Variants in PCDHGA8 observed in about 807,000 individuals in gnomAD.
PCDHGA8 encodes the protein protocadherin gamma subfamily A, 8, also known as protocadherin gamma-A8.
In PCDHGA8, 45 loss-of-function variants were observed where a neutral mutation model predicts 59.2. That is an observed-to-expected ratio of 0.76 (90% confidence interval 0.60 to 0.98). The LOEUF (loss-of-function observed/expected upper bound fraction) is 0.98. Ranked by LOEUF, PCDHGA8 falls within the 50% of genes least tolerant of loss-of-function variation. PCDHGA8 has a pLI of 0.00. For missense variants in PCDHGA8, 1,257 were observed against 1,196.2 expected, an observed-to-expected ratio of 1.05 and a Z score of -0.75; for synonymous variants, 531 against 519.0, an observed-to-expected ratio of 1.02 and a Z score of -0.32.
At position 141,431,270 on chromosome 5, in the gene PCDHGA8, G is replaced by C. The variant is rs369177310; in HGVS notation, c.2424+36033G>C. 1.2e-5 allele frequency: 19 copies of C among 1,613,996 alleles called. No homozygotes were observed. Among genetic ancestry groups the C allele is most frequent in the Non-Finnish European group, 1.5e-5 (18 of 1,180,018 alleles). ...CGGGAAGAACTCTCTGCAGAGCTAC[G>C]AGCTCAGCCCGAACACTCACTTCTC... is the stretch of plus-strand genomic sequence containing the variant. On this transcript the variant is annotated intron_variant, in intron 1 of 3. Coordinates refer to ENST00000398604, the MANE Select transcript of PCDHGA8 (RefSeq NM_032088.2). This position sits in a 1 kb window ranked among gnomAD's most constrained non-coding sequence, Gnocchi z 4.8.
chr5:141,431,405 G>A lies in PCDHGA8; in HGVS notation c.2424+36168G>A, dbSNP rs2097369508. Reference sequence around the variant, plus strand: ...TCACCACCTGGTCCTTACGGCCTCCGACGGGGGCGACCCGGTGCGCACAGG... The same window carrying A: ...TCACCACCTGGTCCTTACGGCCTCCAACGGGGGCGACCCGGTGCGCACAGG... On this transcript the variant is annotated intron_variant, in intron 1 of 3. Transcript: ENST00000398604. The surrounding 1 kb of genome is among the most constrained non-coding windows in gnomAD (Gnocchi z 4.8). 1 of 1,613,614 alleles carries A rather than the reference G, an allele frequency of 6.2e-7. No individual in the cohort carries two copies.
chr5:141,422,850 G>C (rs184432819), intron 1 of PCDHGA8: 30 of 1,614,086 alleles, frequency 1.9e-5, no homozygotes, highest in Middle Eastern at 1.6e-4. Flanking sequence ...GCGGGGACCC[G>C]CCCCTCAGCA....
Position 141,491,574 on chromosome 5 carries a change from T to G in PCDHGA8, c.2425-3233T>G. Reference sequence around the variant, plus strand: ...AGAGCCACTGCTACAGGACGTGCTTTTCACCGGCCTCGGACGGCAGTGACT... The same window carrying G: ...AGAGCCACTGCTACAGGACGTGCTTGTCACCGGCCTCGGACGGCAGTGACT... On this transcript the variant is annotated intron_variant, in intron 1 of 3. Transcript: ENST00000398604. This position sits in a 1 kb window ranked among gnomAD's most constrained non-coding sequence, Gnocchi z 6.9. The G allele has an allele frequency of 6.2e-7, 1 of 1,613,956 alleles. No homozygotes were observed. Among genetic ancestry groups the G allele is most frequent in the Non-Finnish European group, 8.5e-7 (1 of 1,180,032 alleles).
chr5:141,427,717 A>G (rs1038823851), intron 1 of PCDHGA8: 20 of 1,076,234 alleles, frequency 1.9e-5, no homozygotes, highest in African/African-American at 1.1e-4. Context: ...TCTGACCTGG[A>G]CCTAGGGCTG....
intron 1 of PCDHGA8, among the ~76,000 whole-genome samples, chr5:141,448,378 A>G (rs1288817591): frequency 6.6e-6 from 1 of 152,154 alleles, no homozygotes; most frequent in East Asian, 1.9e-4. Context: ...ATTTTTGAAT[A>G]GGAAATACAT....
chr5:141,477,697 T>G lies in PCDHGA8; in HGVS notation c.2425-17110T>G, dbSNP rs745625196. ...TGTCATCCTTAGTGCCCCTAGACTA[T>G]GAGGATCGGCGGGAATTTGAATTAA... On this transcript the variant is annotated intron_variant, in intron 1 of 3. Coordinates refer to ENST00000398604, the MANE Select transcript of PCDHGA8 (RefSeq NM_032088.2). The surrounding 1 kb of genome is among the most constrained non-coding windows in gnomAD (Gnocchi z 4.9). 6.2e-7 allele frequency: 1 copy of G among 1,614,160 alleles called. No homozygotes were observed. Among genetic ancestry groups the G allele is most frequent in the South Asian group, 1.1e-5 (1 of 91,090 alleles).
intron 1 of PCDHGA8, chr5:141,410,735 T>A (rs2095420224): frequency 1.5e-6 from 2 of 1,336,188 alleles, no homozygotes; most frequent in East Asian, 4.7e-5. Context: ...CATAGCTTTT[T>A]ACAATATTTT....
chr5:141,420,065 G>A (rs1253164840), intron 1 of PCDHGA8: 4 of 1,614,018 alleles, frequency 2.5e-6, no homozygotes, highest in Non-Finnish European at 3.4e-6. Flanking sequence ...CTCCAAGTCC[G>A]GACCTGTGGG....
chr5:141,413,803 G>A (rs1331029473), intron 1 of PCDHGA8: 3 of 1,613,142 alleles, frequency 1.9e-6, no homozygotes, highest in Non-Finnish European at 1.7e-6. Flanking sequence ...CGAGGAAGAG[G>A]CCATTCACCA....
At chr5:141,399,864 G>A (rs762765678) in intron 1 of PCDHGA8, 1 of 1,612,860 alleles carries the variant, frequency 6.2e-7, no homozygotes. Flanking sequence ...GCGCTGCAGA[G>A]CCCGGCTACC....
chr5:141,421,748 G>C, intron 1 of PCDHGA8: 1 of 1,613,944 alleles, frequency 6.2e-7, no homozygotes, highest in Non-Finnish European at 8.5e-7. Flanking sequence ...TACCAGCTCA[G>C]CCCTAATAAT....
Position 141,491,905 on chromosome 5 carries a change from G to A in PCDHGA8, c.2425-2902G>A. 7.1e-7 allele frequency: 1 copy of A among 1,418,328 alleles called. No individual in the cohort carries two copies. Among genetic ancestry groups the A allele is most frequent in the Non-Finnish European group, 9.3e-7 (1 of 1,069,952 alleles). 87.9% of individuals were successfully genotyped at this position (1,418,328 alleles called of 1,614,324 possible). ...GATGGGGCTCCGAGCACCGGGGGTG[G>A]TGGCGACTGTGGGCGAGGGGAGGTG... On this transcript the variant is annotated intron_variant, in intron 1 of 3. Transcript: ENST00000398604. This position sits in a 1 kb window ranked among gnomAD's most constrained non-coding sequence, Gnocchi z 6.9.
In PCDHGA8 at chr5:141,487,460, G is replaced by T; in HGVS notation, c.2425-7347G>T. ...AGGGTCAGATGACCCTATCAAGTTT[G>T]TTGATGTGGGAGGCCACTCTCATGG... On this transcript the variant is annotated intron_variant, in intron 1 of 3. Transcript: ENST00000398604. The surrounding 1 kb of genome is among the most constrained non-coding windows in gnomAD (Gnocchi z 5.0). 1 of 1,614,170 alleles carries T rather than the reference G, an allele frequency of 6.2e-7. No individual in the cohort carries two copies. Among genetic ancestry groups the T allele is most frequent in the Non-Finnish European group, 8.5e-7 (1 of 1,180,024 alleles).
chr5:141,487,162 G>T lies in PCDHGA8; in HGVS notation c.2425-7645G>T, dbSNP rs2099640627. 6.2e-7 allele frequency: 1 copy of T among 1,613,496 alleles called. No individual in the cohort carries two copies. Among genetic ancestry groups the T allele is most frequent in the African/African-American group, 1.3e-5 (1 of 75,026 alleles). On this transcript the variant is annotated intron_variant, in intron 1 of 3. Transcript: ENST00000398604. This position sits in a 1 kb window ranked among gnomAD's most constrained non-coding sequence, Gnocchi z 5.0. ...TCTCTACCTCTGTTACTCTCTTAGTGTCCTTAGAGGAAGACACTCATCCAG... is the reference window on the plus strand; with the variant it reads ...TCTCTACCTCTGTTACTCTCTTAGTTTCCTTAGAGGAAGACACTCATCCAG...
At chr5:141,413,855 C>G (rs2095686270) in intron 1 of PCDHGA8, 1 of 1,613,206 alleles carries the variant, frequency 6.2e-7, no homozygotes, top group African/African-American at 1.3e-5. Flanking sequence ...CCTCTCCGAT[C>G]TGGCACTGTC....
At chr5:141,408,423 A>G (rs2095103444) in intron 1 of PCDHGA8, 1 of 1,614,078 alleles carries the variant, frequency 6.2e-7, no homozygotes. Flanking sequence ...GAGAAGCTGC[A>G]CTTCAGCGTA....
At chr5:141,422,111 T>A (rs763658255) in intron 1 of PCDHGA8, 1 of 1,606,408 alleles carries the variant, frequency 6.2e-7, no homozygotes, top group Admixed American at 1.7e-5. Context: ...ATATTCCAAT[T>A]GGATTCACAA....
intron 1 of PCDHGA8, among the ~76,000 whole-genome samples, chr5:141,470,717 A>G (rs1353989037): frequency 6.6e-6 from 1 of 152,010 alleles, no homozygotes; most frequent in Non-Finnish European, 1.5e-5. Flanking sequence ...TATTTTTTTG[A>G]GTCAGGGTCT....
At chr5:141,460,817 A>G (rs527681610) in intron 1 of PCDHGA8, among the ~76,000 whole-genome samples, 3 of 152,126 alleles carry the variant, frequency 2.0e-5, no homozygotes, top group South Asian at 2.1e-4. Context: ...ATGTATACAT[A>G]TATACACACT....
Sources: allele counts gnomAD v4.1 joint callset (sites outside exome capture counted in the v4.1 genomes callset), GRCh38; gene constraint gnomAD v4.1.1; non-coding constraint Gnocchi (gnomAD v3.1); transcripts MANE v1.5; gene names NCBI Gene and HGNC (gene_info 2026-07-23, HGNC 2026-07-21).